Variants in MAP2K1 observed in about 807,000 individuals in gnomAD.
MAP2K1 encodes dual specificity mitogen-activated protein kinase kinase 1.
Under a neutral mutation model 46.3 loss-of-function variants are expected in MAP2K1, and 16 were observed. The observed-to-expected ratio is 0.35, with a 90% CI of 0.23 to 0.52. MAP2K1 has a LOEUF of 0.52. MAP2K1 is among the 20% of genes least tolerant of loss of function. The pLI is 0.94. For synonymous variants in MAP2K1, 183 were observed against 185.6 expected (o/e 0.99, Z 0.11); for missense variants, 263 against 497.1 (o/e 0.53, Z 4.48).
chr15:66,426,068 C>G (rs1419100734), intron 1 of MAP2K1, among the ~76,000 whole-genome samples: 3 of 151,780 alleles, frequency 2.0e-5, no homozygotes, highest in Non-Finnish European at 4.4e-5. Context: ...CCATCTTGAA[C>G]GTTCAGCTCT....
chr15:66,399,732 G>C (rs896401139), intron 1 of MAP2K1, among the ~76,000 whole-genome samples: 18 of 152,196 alleles, frequency 1.2e-4, no homozygotes, highest in Non-Finnish European at 1.5e-5. Flanking sequence ...GAGAAGCTGG[G>C]ACTACAGGCA....
intron 5 of MAP2K1, among the ~76,000 whole-genome samples, chr15:66,471,960 C>G (rs1239868989): frequency 3.3e-5 from 5 of 151,214 alleles, no homozygotes; most frequent in Non-Finnish European, 7.4e-5. Flanking sequence ...GCCTGTAGTC[C>G]CAGCCACTCA....
At chr15:66,387,473 C>T in intron 1 of MAP2K1, 46 bp downstream of exon 1, 2 of 1,535,116 alleles carry the variant, frequency 1.3e-6, no homozygotes, top group Non-Finnish European at 8.8e-7. Context: ...GCTGGGGAGG[C>T]CCGAGCCGGG....
At chr15:66,407,766 C>A (rs1035456518) in intron 1 of MAP2K1, among the ~76,000 whole-genome samples, 2 of 152,172 alleles carry the variant, frequency 1.3e-5, no homozygotes, top group African/African-American at 4.8e-5. Context: ...TACTTGAGCC[C>A]AGAAGGTTGA....
chr15:66,463,034 A>C (rs1002857259), intron 5 of MAP2K1, among the ~76,000 whole-genome samples: 1 of 152,192 alleles, frequency 6.6e-6, no homozygotes, highest in Non-Finnish European at 1.5e-5. Flanking sequence ...GTGTGTATCA[A>C]GTCCATCCCA....
intron 1 of MAP2K1, among the ~76,000 whole-genome samples, chr15:66,425,762 C>T (rs1427917575): frequency 2.0e-5 from 3 of 152,218 alleles, no homozygotes; most frequent in Non-Finnish European, 4.4e-5. Context: ...AACAATATCC[C>T]ACTTCATAGT....
At chr15:66,466,326 A>G (rs894843782) in intron 5 of MAP2K1, among the ~76,000 whole-genome samples, 3 of 152,222 alleles carry the variant, frequency 2.0e-5, no homozygotes, top group Non-Finnish European at 2.9e-5. Context: ...ATTCTGGAGT[A>G]ATCAGGTAGA....
intron 1 of MAP2K1, among the ~76,000 whole-genome samples, chr15:66,425,496 T>C (rs2140562823): frequency 6.6e-6 from 1 of 152,292 alleles, no homozygotes; most frequent in East Asian, 1.9e-4. Flanking sequence ...CTCATAGTCA[T>C]TGTTCCTGAA....
intron 3 of MAP2K1, among the ~76,000 whole-genome samples, chr15:66,440,469 T>A (rs1204357273): frequency 6.6e-6 from 1 of 152,236 alleles, no homozygotes; most frequent in East Asian, 1.9e-4. Context: ...AGCCAGGGGC[T>A]GATCTTTCCT....
At chr15:66,414,969 C>A in intron 1 of MAP2K1, 1 of 433,606 alleles carries the variant, frequency 2.3e-6, no homozygotes, top group Non-Finnish European at 4.6e-6. Context: ...GCTTGAGCTC[C>A]TTGTAGGAAA....
At chr15:66,435,891 T>A (rs929477823) in intron 2 of MAP2K1, among the ~76,000 whole-genome samples, 4 of 152,308 alleles carry the variant, frequency 2.6e-5, no homozygotes, top group African/African-American at 7.2e-5. Flanking sequence ...GCCCTGCCAG[T>A]GAATCCCCTT....
chr15:66,394,412 T>G (rs933001629), intron 1 of MAP2K1, among the ~76,000 whole-genome samples: 9 of 151,854 alleles, frequency 5.9e-5, no homozygotes, highest in African/African-American at 2.2e-4. Context: ...CTTTTTTTTG[T>G]CTCTTATGGC....
chr15:66,417,876 G>A (rs2093428243), intron 1 of MAP2K1, among the ~76,000 whole-genome samples: 1 of 152,134 alleles, frequency 6.6e-6, no homozygotes, highest in African/African-American at 2.4e-5. Context: ...TCATCTGACT[G>A]TATCTTCCTG....
intron 1 of MAP2K1, among the ~76,000 whole-genome samples, chr15:66,433,330 C>A (rs2140575518): frequency 6.6e-6 from 1 of 152,276 alleles, no homozygotes; most frequent in Non-Finnish European, 1.5e-5. Context: ...GTAGCTTAGA[C>A]AACAATAGTT....
chr15:66,468,466 T>C (rs749671860), intron 5 of MAP2K1, among the ~76,000 whole-genome samples: 1 of 152,118 alleles, frequency 6.6e-6, no homozygotes, highest in Non-Finnish European at 1.5e-5. Flanking sequence ...AGATTAAAGG[T>C]GGATGCCAAA....
At chr15:66,483,304 C>T (rs1378316279) in intron 6 of MAP2K1, among the ~76,000 whole-genome samples, 1 of 152,160 alleles carries the variant, frequency 6.6e-6, no homozygotes, top group East Asian at 1.9e-4. Flanking sequence ...CATCCCCACC[C>T]CTCCCCTCCA....
At chr15:66,398,612 A>G (rs2093373788) in intron 1 of MAP2K1, among the ~76,000 whole-genome samples, 1 of 151,758 alleles carries the variant, frequency 6.6e-6, no homozygotes, top group Admixed American at 6.6e-5. Flanking sequence ...TGATTGTACC[A>G]CTGCACACCA....
intron 5 of MAP2K1, among the ~76,000 whole-genome samples, chr15:66,468,164 C>G (rs1457023396): frequency 6.6e-6 from 1 of 152,136 alleles, no homozygotes; most frequent in African/African-American, 2.4e-5. Flanking sequence ...TTAATTAGAG[C>G]TGTTTTATAT....
At chr15:66,484,950 A>G (rs1252272761) in intron 6 of MAP2K1, 40 bp from the exon 7 acceptor site, 2 of 1,557,058 alleles carry the variant, frequency 1.3e-6, no homozygotes, top group East Asian at 2.2e-5. Context: ...CAGGGGTCCA[A>G]GTTAGGTTAG....
Sources: gnomAD v4.1 joint callset for allele counts (sites outside exome capture counted in the v4.1 genomes callset) on GRCh38, gnomAD v4.1.1 for gene constraint, MANE v1.5 for transcripts, NCBI Gene and HGNC (gene_info 2026-07-23, HGNC 2026-07-21) for gene names.